The following ZP4 variants were observed in gnomAD, a reference collection of about 807,000 sequenced individuals.
ZP4 encodes the protein zona pellucida sperm-binding protein 4.
A neutral mutation model predicts 62.3 loss-of-function variants in ZP4; 62 were observed. That is an observed-to-expected ratio of 0.99 (90% CI 0.81 to 1.23). The LOEUF is 1.23. Ranked by LOEUF, ZP4 falls within the 50% of genes most tolerant of loss-of-function variation. The pLI, the probability that ZP4 is intolerant of heterozygous loss-of-function variation, is 0.00. For synonymous variants in ZP4, 289 were observed against 247.3 expected (o/e 1.17, Z -1.58); for missense variants, 774 against 656.0 (o/e 1.18, Z -1.97).
chr1:237,882,521 C>A lies in ZP4; in HGVS notation c.1524G>T (p.Trp508Cys). ...TTAAGGTCCCAGAAAGGCCTGCCAC[C>A]CACAGAACTTTCGAGTCTACAGGAA... is the stretch of plus-strand genomic sequence containing the variant. ...LRVPVDSKVL[W>C]VAGLSGTLIL... Residue 508 changes from tryptophan (W) to cysteine (C), a missense_variant, in exon 12 of 12, where the codon TGG becomes TGT. Physicochemically the swap from Trp to Cys is radical, Grantham distance 215 (BLOSUM62 -2). Transcript: ENST00000366570. The A allele has an allele frequency of 6.2e-7, 1 of 1,605,962 alleles. No homozygotes were observed. Among genetic ancestry groups the A allele is most frequent in the South Asian group, 1.1e-5 (1 of 90,078 alleles).
chr1:237,888,553 G>C (rs1213873206), intron 3 of ZP4, 43 bp from the exon 4 acceptor site: 2 of 1,547,736 alleles, frequency 1.3e-6, no homozygotes, highest in South Asian at 2.4e-5. Flanking sequence ...TAATGGAAAA[G>C]TTAGTCTTGA....
intron 6 of ZP4, among the ~76,000 whole-genome samples, chr1:237,886,252 C>T (rs1278964300): frequency 6.6e-6 from 1 of 152,030 alleles, no homozygotes; most frequent in Non-Finnish European, 1.5e-5. Context: ...TGCTTGAGGC[C>T]CTTTGAGAAT....
At position 237,886,762 on chromosome 1, in the gene ZP4, A is replaced by T. The variant is rs755066992; in HGVS notation, c.839+9T>A. On this transcript the variant is annotated intron_variant, in intron 6 of 11. Coordinates refer to ENST00000366570, the MANE Select transcript of ZP4 (RefSeq NM_021186.5). The stretch of plus-strand genomic sequence containing the variant: ...GGCAGATGGGAAGTCATTCTGGCCA[A>T]GCCCTTACCTGAAGATGCTGTCACG... 3.1e-6 allele frequency: 5 copies of T among 1,612,836 alleles called. No individual in the cohort carries two copies. The African/African-American group carries it at 6.7e-5, about 22-fold the overall frequency.
chr1:237,888,205 G>T (rs1439571474), intron 4 of ZP4, among the ~76,000 whole-genome samples, 153 bp downstream of exon 4: 2 of 152,254 alleles, frequency 1.3e-5, no homozygotes, highest in Non-Finnish European at 2.9e-5. Flanking sequence ...AGTTGTAGAA[G>T]TCTGTTACAT....
At position 237,887,560 on chromosome 1, in the gene ZP4, C is replaced by T; in HGVS notation, c.555G>A (p.Val185=). 1.2e-6 allele frequency: 2 copies of T among 1,613,242 alleles called. No homozygotes were observed. Among genetic ancestry groups the T allele is most frequent in the Non-Finnish European group, 1.7e-6 (2 of 1,179,612 alleles). Residue 185 remains valine, a splice_region_variant and synonymous_variant, in exon 5 of 12, where the codon GTG becomes GTA. Coordinates refer to ENST00000366570, the MANE Select transcript of ZP4 (RefSeq NM_021186.5). ...GGCCCTCTCGGGTACAATGCAAGGT[C>T]ACTGAAACAGAGCAGCTGTGCTGAA... is the stretch of plus-strand genomic sequence containing the variant. ...EVNSCYYGNT[V]TLHCTREGHF...
chr1:237,889,828 CACCA>C, intron 3 of ZP4, 35 bp downstream of exon 3: 45 of 1,471,940 alleles, frequency 3.1e-5, no homozygotes, highest in Non-Finnish European at 4.2e-5. Flanking sequence ...ACCCCACCCC[CACCA>C]CCCCCACAAG....
rs1288435879 is a variant in ZP4, at chr1:237,883,728, GGAGGGAGAGAGAGGGAGAGA to G, written c.1391-902_1391-883del. 8.9e-4 allele frequency among the ~76,000 whole-genome samples: 17 copies of G among 19,186 alleles called. 2 individuals carry two copies. The highest frequency in any genetic ancestry group is 1.3e-3 in the Non-Finnish European group (14 of 10,892). The allele number at this position is 19,186 out of a possible 152,430, so 12.6% of individuals were successfully genotyped here. On this transcript the variant is annotated intron_variant, in intron 10 of 11. Coordinates refer to ENST00000366570, the MANE Select transcript of ZP4 (RefSeq NM_021186.5). The stretch of plus-strand genomic sequence containing the variant: ...GCGGGGGAGGGCGGGGGAGGGCGGG[GGAGGGAGAGAGAGGGAGAGA>G]GAGGGAGAGAGAGGGAGAGAGAGGA...
intron 6 of ZP4, 74 bp downstream of exon 6, chr1:237,886,697 A>G: frequency 7.9e-7 from 1 of 1,271,756 alleles, no homozygotes; most frequent in Non-Finnish European, 1.1e-6. Flanking sequence ...AGGAATGCTC[A>G]TTTGTGGATT....
chr1:237,885,435 G>T lies in ZP4; in HGVS notation c.1116C>A (p.Ser372Arg). The T allele has an allele frequency of 6.2e-7, 1 of 1,613,912 alleles. No homozygotes were observed. Among genetic ancestry groups the T allele is most frequent in the South Asian group, 1.1e-5 (1 of 91,028 alleles). Residue 372 changes from serine (S) to arginine (R), a missense_variant, in exon 8 of 12, where the codon AGC becomes AGA. Physicochemically the swap from Ser to Arg is moderately radical, Grantham distance 110. Transcript: ENST00000366570. ...ACTGTGGCTGACTCAGGGGGTCAGT[G>T]CTGGGTGTTGCCCAACACTGTTGTA... The part of the protein sequence containing the change: ...LLLQQCWATP[S>R]TDPLSQPQWP...
At chr1:237,886,568 A>C (rs541867771) in intron 6 of ZP4, among the ~76,000 whole-genome samples, 1 of 152,248 alleles carries the variant, frequency 6.6e-6, no homozygotes, top group South Asian at 2.1e-4. Flanking sequence ...AAATAGCAGA[A>C]CTCCAGGTGA....
intron 9 of ZP4, 61 bp from the exon 10 acceptor site, chr1:237,884,908 G>C (rs1665059377): frequency 6.5e-7 from 1 of 1,542,608 alleles, no homozygotes; most frequent in Admixed American, 1.8e-5. Flanking sequence ...CTCTAAACCT[G>C]CTTTGCCTCC....
intron 9 of ZP4, 95 bp from the exon 10 acceptor site, chr1:237,884,942 T>A: frequency 7.2e-7 from 1 of 1,388,532 alleles, no homozygotes; most frequent in Non-Finnish European, 1.0e-6. Context: ...CAGGAAGTTA[T>A]CAGAAAATTG....
rs1361289319 is a variant in ZP4 at position 237,885,466 on chromosome 1, A to C, written c.1085T>G (p.Leu362Arg). 2.5e-6 allele frequency: 4 copies of C among 1,614,058 alleles called. No homozygotes were observed. The East Asian group carries it at 6.7e-5, about 27-fold the overall frequency. Residue 362 changes from leucine (L) to arginine (R), a missense_variant, in exon 8 of 12, where the codon CTG becomes CGG. Physicochemically the swap from Leu to Arg is moderately radical, Grantham distance 102. Coordinates refer to ENST00000366570, the MANE Select transcript of ZP4 (RefSeq NM_021186.5). Reference protein sequence around the residue: ...ILHRTDPYLGLLLQQCWATPS... With the variant: ...ILHRTDPYLGRLLQQCWATPS... Reference sequence around the variant, plus strand: ...TGTTGCCCAACACTGTTGTAGGAGCAGCCCCAGGTAGGGGTCTGTTCTGTG... The same window carrying C: ...TGTTGCCCAACACTGTTGTAGGAGCCGCCCCAGGTAGGGGTCTGTTCTGTG...
In ZP4 at chr1:237,889,030, G is replaced by A. The variant is rs560241023; in HGVS notation, c.401-520C>T. Among the ~76,000 whole-genome samples, 15 of 152,252 alleles carry A rather than the reference G, an allele frequency of 9.9e-5. No homozygotes were observed. The South Asian group carries it at 2.5e-3, about 25-fold the overall frequency. On this transcript the variant is annotated intron_variant, in intron 3 of 11. Transcript: ENST00000366570. ...TTTGAGGACGGGCTCTCAGTCAGGCGAGACTTTCTAAAGTTGAGTAGGCAT... is the reference window on the plus strand; with the variant it reads ...TTTGAGGACGGGCTCTCAGTCAGGCAAGACTTTCTAAAGTTGAGTAGGCAT...
In ZP4 at chr1:237,890,458, TA is replaced by T; in HGVS notation, c.175+2del. On this transcript the variant is annotated splice_donor_variant, in intron 1 of 11. Transcript: ENST00000366570. LOFTEE classifies it high-confidence loss of function. ...GCTAAGCAAGGCAAGTCATCAAACT[TA>T]CCCCAAGCTATTAGTACAGGAGGAG... The T allele has an allele frequency of 6.2e-7, 1 of 1,606,152 alleles. No homozygotes were observed. The highest frequency in any genetic ancestry group is 8.5e-7 in the Non-Finnish European group (1 of 1,176,932).
At chr1:237,883,635 G>C (rs1201247601) in intron 10 of ZP4, among the ~76,000 whole-genome samples, 2 of 7,376 alleles carry the variant, frequency 2.7e-4, no homozygotes, top group African/African-American at 5.6e-4. Flanking sequence ...AGAGGGGGAG[G>C]GGGAGGGCGG....
In ZP4 at chr1:237,885,477, G is replaced by C; in HGVS notation, c.1074C>G (p.Pro358=). ...ACTGTTGTAGGAGCAGCCCCAGGTA[G>C]GGGTCTGTTCTGTGAAGGATGGAGA... ...VEVSILHRTD[P]YLGLLLQQCW... Residue 358 remains proline (P), a synonymous_variant, in exon 8 of 12, where the codon CCC becomes CCG. Coordinates refer to ENST00000366570, the MANE Select transcript of ZP4 (RefSeq NM_021186.5). The C allele has an allele frequency of 6.2e-7, 1 of 1,614,140 alleles. No individual in the cohort carries two copies. Among genetic ancestry groups the C allele is most frequent in the Middle Eastern group, 1.6e-4 (1 of 6,062 alleles).
In ZP4 at chr1:237,882,492, A is replaced by G; in HGVS notation, c.1553T>C (p.Leu518Pro). ...WVAGLSGTLI[L>P]GALLVSYLAV... ...CAAGTAGGATACTAACAAGGCTCCA[A>G]GGATTAAGGTCCCAGAAAGGCCTGC... The change falls in exon 12 of 12, where the codon CTT (leucine) becomes CCT (proline). Residue 518 changes from leucine (L) to proline (P), a missense_variant. Physicochemically the swap from Leu to Pro is moderately conservative, Grantham distance 98. Transcript: ENST00000366570. 6.2e-7 allele frequency: 1 copy of G among 1,609,514 alleles called. No homozygotes were observed. Among genetic ancestry groups the G allele is most frequent in the Non-Finnish European group, 8.5e-7 (1 of 1,178,970 alleles).
rs151047990 is a variant in ZP4 at position 237,889,955 on chromosome 1, G to A, written c.312C>T (p.Ile104=). 1.9e-6 allele frequency: 3 copies of A among 1,614,098 alleles called. No homozygotes were observed. The change falls in exon 3 of 12, where the codon ATC becomes ATT. Residue 104 remains isoleucine, a synonymous_variant. Coordinates refer to ENST00000366570, the MANE Select transcript of ZP4 (RefSeq NM_021186.5). The stretch of plus-strand genomic sequence containing the variant: ...CTGCTCCTTCAACTCCAACTGGCAT[G>A]ATGTAGTGGGAGTCCTGGAGAGACA... ...CYVTEWDSHY[I]MPVGVEGAGA... is the part of the protein sequence containing the mutation.
Sources: allele counts gnomAD v4.1 joint callset (sites outside exome capture counted in the v4.1 genomes callset), GRCh38; gene constraint gnomAD v4.1.1; transcripts MANE v1.5; gene names NCBI Gene and HGNC (gene_info 2026-07-23, HGNC 2026-07-21).